Variants in PRPF6 observed in about 807,000 individuals in gnomAD.
PRPF6 encodes the protein pre-mRNA-processing factor 6.
Under a neutral mutation model 118.3 loss-of-function variants are expected in PRPF6, and 42 were observed. The ratio of observed to expected loss-of-function variants is 0.35; its 90% confidence interval spans 0.28 to 0.46. The LOEUF is 0.46. Ranked by LOEUF, PRPF6 falls within the 20% of genes least tolerant of loss-of-function variation. The pLI, the probability that PRPF6 is intolerant of heterozygous loss-of-function variation, is 1.00. For missense variants in PRPF6, 662 were observed against 1,255.7 expected (o/e 0.53, Z 7.15); for synonymous variants, 481 against 485.1 (o/e 0.99, Z 0.11).
chr20:63,991,474 C>T (rs926908107), intron 3 of PRPF6, among the ~76,000 whole-genome samples: 2 of 151,982 alleles, frequency 1.3e-5, no homozygotes, highest in Admixed American at 6.6e-5. Flanking sequence ...ATGAAGAAAG[C>T]CATTAAATTA....
chr20:64,020,843 A>G (rs1009037755), intron 12 of PRPF6, among the ~76,000 whole-genome samples: 28 of 150,892 alleles, frequency 1.9e-4, no homozygotes, highest in African/African-American at 6.1e-4. Context: ...CTGGAGCGCA[A>G]TGGCGCAATC....
chr20:64,028,647 C>A lies in PRPF6; in HGVS notation c.2431+78C>A. 6.6e-7 allele frequency: 1 copy of A among 1,506,746 alleles called. No individual in the cohort carries two copies. The highest frequency in any genetic ancestry group is 9.1e-7 in the Non-Finnish European group (1 of 1,102,044). 93.3% of individuals were successfully genotyped at this position (1,506,746 alleles called of 1,614,324 possible). A position where few individuals can be genotyped will look rare whatever the true frequency, so the allele number is the denominator to read the frequency against. ...GTGCCTTGACTCCGGTAAGGGGGTG[C>A]TTCCTGGCTTCCCAGACTCCGCAGG... On this transcript the variant is annotated intron_variant, in intron 18 of 20. Coordinates refer to ENST00000266079, the MANE Select transcript of PRPF6 (RefSeq NM_012469.4). This position sits in a 1 kb window ranked among gnomAD's most constrained non-coding sequence, Gnocchi z 6.5.
intron 9 of PRPF6, 43 bp from the exon 10 acceptor site, chr20:64,010,157 A>G (rs2059209695): frequency 1.3e-6 from 2 of 1,542,240 alleles, no homozygotes; most frequent in Non-Finnish European, 1.8e-6. Flanking sequence ...TCCTGTTTTT[A>G]TCTCCTTTTC....
chr20:64,020,720 C>T lies in PRPF6; in HGVS notation c.1648-2037C>T, dbSNP rs950146005. Among the ~76,000 whole-genome samples, 7 of 151,736 alleles carry T rather than the reference C, an allele frequency of 4.6e-5. 1 individual carries two copies. Among genetic ancestry groups the T allele is most frequent in the Admixed American group, 6.6e-5 (1 of 15,246 alleles). On this transcript the variant is annotated intron_variant, in intron 12 of 20. Coordinates refer to ENST00000266079, the MANE Select transcript of PRPF6 (RefSeq NM_012469.4). ...GGATGGGTTTTTTCCTGTTTGTATTCACTTGTCTTTTACAGGTTTCTAATT... is the reference window on the plus strand; with the variant it reads ...GGATGGGTTTTTTCCTGTTTGTATTTACTTGTCTTTTACAGGTTTCTAATT...
chr20:64,028,475 C>T lies in PRPF6; in HGVS notation c.2340-3C>T, dbSNP rs1391144746. Reference sequence around the variant, plus strand: ...TGGGACCTCCGGGGGCCTGTCTCCTCAGGTTGGAGTCCGTGCGGCTGGAGT... The same window carrying T: ...TGGGACCTCCGGGGGCCTGTCTCCTTAGGTTGGAGTCCGTGCGGCTGGAGT... On this transcript the variant is annotated splice_polypyrimidine_tract_variant and splice_region_variant and intron_variant, in intron 17 of 20. Transcript: ENST00000266079. This position sits in a 1 kb window ranked among gnomAD's most constrained non-coding sequence, Gnocchi z 6.5. The T allele has an allele frequency of 6.2e-7, 1 of 1,613,930 alleles. No individual in the cohort carries two copies. Among genetic ancestry groups the T allele is most frequent in the African/African-American group, 1.3e-5 (1 of 75,062 alleles).
At chr20:64,001,640 T>TA (rs2059166899) in intron 9 of PRPF6, among the ~76,000 whole-genome samples, 1 of 152,174 alleles carries the variant, frequency 6.6e-6, no homozygotes, top group African/African-American at 2.4e-5. Context: ...TTGTGGGTGT[T>TA]ACTCATTTTC....
At chr20:64,032,173 G>T in intron 20 of PRPF6, 129 bp downstream of exon 20, 1 of 1,427,158 alleles carries the variant, frequency 7.0e-7, no homozygotes, top group Non-Finnish European at 9.7e-7. Flanking sequence ...GGATGGACCG[G>T]GTGTGTGGGG....
intron 2 of PRPF6, among the ~76,000 whole-genome samples, chr20:63,984,090 A>G (rs1254917402): frequency 6.6e-6 from 1 of 152,226 alleles, no homozygotes; most frequent in African/African-American, 2.4e-5. Context: ...CTTCTAACAG[A>G]TGACATTTTT....
chr20:64,006,747 C>T lies in PRPF6; in HGVS notation c.1187-3453C>T, dbSNP rs140960077. On this transcript the variant is annotated intron_variant, in intron 9 of 20. Coordinates refer to ENST00000266079, the MANE Select transcript of PRPF6 (RefSeq NM_012469.4). Reference sequence around the variant, plus strand: ...AGACATCACTGTTTATTCCTAGACCCGTGTGTTCTGGCTGTGAGATCCAGC... The same window carrying T: ...AGACATCACTGTTTATTCCTAGACCTGTGTGTTCTGGCTGTGAGATCCAGC... 2.0e-3 allele frequency among the ~76,000 whole-genome samples: 311 copies of T among 152,244 alleles called. 1 individual carries two copies. Among genetic ancestry groups the T allele is most frequent in the African/African-American group, 6.9e-3 (285 of 41,536 alleles).
At position 64,001,009 on chromosome 20, in the gene PRPF6, G is replaced by A. The variant is rs537135042; in HGVS notation, c.1024-68G>A. On this transcript the variant is annotated intron_variant, in intron 8 of 20. Transcript: ENST00000266079. ...GCCCGAGGATCTGCTCTGGAGATCT[G>A]TGCCTGCTGCCCTGTTGCGGCTTCC... 8 of 1,547,864 alleles carry A rather than the reference G, an allele frequency of 5.2e-6. No individual in the cohort carries two copies. In the Admixed American group the frequency reaches 1.3e-4, roughly 26 times the overall value.
intron 11 of PRPF6, among the ~76,000 whole-genome samples, chr20:64,013,133 T>G (rs1256446687): frequency 6.6e-6 from 1 of 152,000 alleles, no homozygotes; most frequent in East Asian, 1.9e-4. Flanking sequence ...CCCAGCTAAT[T>G]TTTGTATTTT....
rs760842570 is a variant in PRPF6, at chr20:64,029,587, C to G, written c.2546+96C>G. 8.9e-7 allele frequency: 1 copy of G among 1,126,948 alleles called. No individual in the cohort carries two copies. The allele number at this position is 1,126,948 out of a possible 1,614,324, so 69.8% of individuals were successfully genotyped here. On this transcript the variant is annotated intron_variant, in intron 19 of 20. Transcript: ENST00000266079. The surrounding 1 kb of genome is among the most constrained non-coding windows in gnomAD (Gnocchi z 4.8). Reference sequence around the variant, plus strand: ...CTCTTCCTGGTCATTGTAAAGATGCCCGGCAGCAGGGTGGGCTTCCCCGAT... The same window carrying G: ...CTCTTCCTGGTCATTGTAAAGATGCGCGGCAGCAGGGTGGGCTTCCCCGAT...
At position 64,004,698 on chromosome 20, in the gene PRPF6, A is replaced by G. The variant is rs534095427; in HGVS notation, c.1186+3459A>G. ...TCCATGTCTTCCTCTGTAAAAGGGA[A>G]GAGGGCTTTCAGGATTGGGGAGGGT... is the stretch of plus-strand genomic sequence containing the variant. On this transcript the variant is annotated intron_variant, in intron 9 of 20. Transcript: ENST00000266079. 7.2e-5 allele frequency among the ~76,000 whole-genome samples: 11 copies of G among 152,234 alleles called. No homozygotes were observed. In the East Asian group the frequency reaches 1.9e-3, roughly 27 times the overall value.
chr20:64,027,574 T>C lies in PRPF6; in HGVS notation c.2206-29T>C. ...GTCCCAGTTCTTCATAGACACCACC[T>C]GAGCTGCTCTCTTACTTGTTGGTTG... On this transcript the variant is annotated intron_variant, in intron 16 of 20. Transcript: ENST00000266079. The surrounding 1 kb of genome is among the most constrained non-coding windows in gnomAD (Gnocchi z 6.5). The C allele has an allele frequency of 6.2e-7, 1 of 1,609,582 alleles. No individual in the cohort carries two copies. Among genetic ancestry groups the C allele is most frequent in the Non-Finnish European group, 8.5e-7 (1 of 1,175,906 alleles).
intron 3 of PRPF6, among the ~76,000 whole-genome samples, chr20:63,988,249 G>A (rs1232330729): frequency 2.0e-5 from 3 of 152,020 alleles, no homozygotes; most frequent in Non-Finnish European, 4.4e-5. Flanking sequence ...GAACCTAGGA[G>A]GCAAATGTTG....
intron 13 of PRPF6, among the ~76,000 whole-genome samples, chr20:64,023,567 C>T (rs768147546): frequency 6.6e-5 from 10 of 151,924 alleles, no homozygotes; most frequent in Non-Finnish European, 1.3e-4. Flanking sequence ...GCCATTGTCT[C>T]TTTGCTTTTC....
chr20:63,997,484 C>T (rs1173065418), intron 6 of PRPF6, among the ~76,000 whole-genome samples: 1 of 146,966 alleles, frequency 6.8e-6, no homozygotes, highest in African/African-American at 2.5e-5. Flanking sequence ...TGAGACGGAG[C>T]CTGGCACCGT....
intron 9 of PRPF6, among the ~76,000 whole-genome samples, chr20:64,005,132 G>T (rs978710211): frequency 2.0e-5 from 3 of 152,170 alleles, no homozygotes; most frequent in African/African-American, 4.8e-5. Context: ...CTCCTTGAAG[G>T]CCATTGTATC....
At chr20:64,016,138 CT>C (rs1406538245) in intron 11 of PRPF6, among the ~76,000 whole-genome samples, 4 of 141,440 alleles carry the variant, frequency 2.8e-5, no homozygotes, top group Admixed American at 1.4e-4. Flanking sequence ...TTTTTTTTTT[CT>C]GAGACGTAGT....
Sources: allele counts gnomAD v4.1 joint callset (sites outside exome capture counted in the v4.1 genomes callset), GRCh38; gene constraint gnomAD v4.1.1; non-coding constraint Gnocchi (gnomAD v3.1); transcripts MANE v1.5; gene names NCBI Gene and HGNC (gene_info 2026-07-23, HGNC 2026-07-21).